CSMD1: variants seen among roughly 807,000 people sequenced by gnomAD.
CSMD1 encodes CUB and Sushi multiple domains 1, also known as CUB and sushi domain-containing protein 1.
CSMD1 carries 213 observed loss-of-function variants against 417.5 expected under a neutral mutation model. The ratio of observed to expected loss-of-function variants is 0.51; its 90% CI spans 0.46 to 0.57. The LOEUF (loss-of-function observed/expected upper bound fraction) is 0.57, where lower values mean the gene tolerates loss of function less well. CSMD1 is among the 20% of genes least tolerant of loss of function. CSMD1 has a pLI of 0.00. For missense variants in CSMD1, 6,923 were observed against 4,529.7 expected (o/e 1.53, Z -15.17); for synonymous variants, 2,862 against 1,736.8 (o/e 1.65, Z -16.11).
intron 18 of CSMD1, 111 bp downstream of exon 18, chr8:3,387,382 AC>A: frequency 5.0e-6 from 4 of 804,588 alleles, no homozygotes; most frequent in Non-Finnish European, 7.7e-6. Context: ...GAGGGAACTC[AC>A]GCCAGTCGTA....
intron 26 of CSMD1, among the ~76,000 whole-genome samples, chr8:3,233,155 A>G (rs1798943588): frequency 6.6e-6 from 1 of 151,444 alleles, no homozygotes; most frequent in Non-Finnish European, 1.5e-5. Context: ...TGGCTTGACT[A>G]TTTGTCTCCT....
rs1421846224 is a variant in CSMD1 at position 3,007,434 on chromosome 8, G to T, written c.8030-7303C>A. 2.6e-5 allele frequency among the ~76,000 whole-genome samples: 4 copies of T among 151,378 alleles called. No homozygotes were observed. In the South Asian group the frequency reaches 6.2e-4, roughly 24 times the overall value. On this transcript the variant is annotated intron_variant, in intron 52 of 69. Coordinates refer to ENST00000635120, the MANE Select transcript of CSMD1 (RefSeq NM_033225.6). ...TCCCATTACTGGGTATATACCCAAA[G>T]GACTATAAATCATGCTGCTATAAAG...
At chr8:4,385,554 A>C (rs1803393555) in intron 3 of CSMD1, among the ~76,000 whole-genome samples, 1 of 152,218 alleles carries the variant, frequency 6.6e-6, no homozygotes. Flanking sequence ...TTTGGACTGC[A>C]CATTACTACA....
intron 3 of CSMD1, among the ~76,000 whole-genome samples, chr8:4,370,272 G>C (rs1028098386): frequency 3.9e-5 from 6 of 152,142 alleles, no homozygotes; most frequent in African/African-American, 1.4e-4. Flanking sequence ...CAGGCTCCCA[G>C]TCTTTCCCAG....
intron 37 of CSMD1, among the ~76,000 whole-genome samples, chr8:3,165,410 A>G (rs992138468): frequency 6.6e-6 from 1 of 151,744 alleles, no homozygotes; most frequent in Non-Finnish European, 1.5e-5. Context: ...AGTGGTTTTT[A>G]ATTTTTATTT....
At chr8:3,035,507 G>A (rs1248603076) in intron 50 of CSMD1, among the ~76,000 whole-genome samples, 2 of 152,042 alleles carry the variant, frequency 1.3e-5, no homozygotes, top group South Asian at 2.1e-4. Flanking sequence ...GAAACAATAC[G>A]GGAAAATTTG....
chr8:3,989,782 T>A (rs774168478), intron 5 of CSMD1, among the ~76,000 whole-genome samples: 3 of 152,212 alleles, frequency 2.0e-5, no homozygotes, highest in Non-Finnish European at 4.4e-5. Flanking sequence ...ATTTAAAGGA[T>A]GTATTAAGCT....
intron 3 of CSMD1, among the ~76,000 whole-genome samples, chr8:4,172,844 C>G (rs1379443113): frequency 4.6e-5 from 7 of 152,102 alleles, no homozygotes; most frequent in African/African-American, 1.7e-4. Flanking sequence ...GGACTGAGGG[C>G]TGTCCACAGC....
intron 1 of CSMD1, among the ~76,000 whole-genome samples, chr8:4,766,218 G>T (rs143525869): frequency 1.3e-5 from 2 of 152,162 alleles, no homozygotes; most frequent in African/African-American, 4.8e-5. Context: ...GCATGTGCTG[G>T]TGCGTTGGCA....
intron 1 of CSMD1, among the ~76,000 whole-genome samples, chr8:4,956,944 G>C (rs1165626578): frequency 6.6e-6 from 1 of 152,198 alleles, no homozygotes; most frequent in Non-Finnish European, 1.5e-5. Context: ...ACACAAGGGA[G>C]GAAAGCAGCT....
intron 33 of CSMD1, among the ~76,000 whole-genome samples, chr8:3,190,588 T>C (rs1014839993): frequency 6.6e-6 from 1 of 152,164 alleles, no homozygotes; most frequent in Admixed American, 6.6e-5. Context: ...CATCGTGATG[T>C]AATAAAAATC....
chr8:4,025,532 C>T (rs1054869293), intron 4 of CSMD1, among the ~76,000 whole-genome samples: 1 of 152,186 alleles, frequency 6.6e-6, no homozygotes, highest in African/African-American at 2.4e-5. Flanking sequence ...CTAGCTGCTT[C>T]TTCTCTTTTT....
intron 5 of CSMD1, among the ~76,000 whole-genome samples, chr8:3,938,999 T>A (rs962379331): frequency 1.3e-5 from 2 of 152,026 alleles, no homozygotes; most frequent in South Asian, 4.2e-4. Flanking sequence ...TGGGGTGGGG[T>A]AGAATATTAC....
At chr8:3,722,137 A>C (rs1802215135) in intron 6 of CSMD1, among the ~76,000 whole-genome samples, 1 of 152,028 alleles carries the variant, frequency 6.6e-6, no homozygotes. Context: ...GAGGTCAGGA[A>C]TTTGAGACTA....
At chr8:3,990,024 G>A (rs1309031884) in intron 5 of CSMD1, among the ~76,000 whole-genome samples, 1 of 152,194 alleles carries the variant, frequency 6.6e-6, no homozygotes, top group African/African-American at 2.4e-5. Context: ...CTGATTTGAG[G>A]AATAAATGAG....
rs186352368 is a variant in CSMD1, at chr8:3,202,943, G to A, written c.4985-1218C>T. ...AAAAACTTTTTTCAGGAATTAGAGA[G>A]GGAGAGGACTTAATAATTTCTCTAC... On this transcript the variant is annotated intron_variant, in intron 31 of 69. Coordinates refer to ENST00000635120, the MANE Select transcript of CSMD1 (RefSeq NM_033225.6). Among the ~76,000 whole-genome samples the A allele has an allele frequency of 3.9e-5, 6 of 152,242 alleles. No individual in the cohort carries two copies. The East Asian group carries it at 7.7e-4, about 20-fold the overall frequency.
At chr8:4,310,279 T>C (rs1798488595) in intron 3 of CSMD1, among the ~76,000 whole-genome samples, 1 of 152,208 alleles carries the variant, frequency 6.6e-6, no homozygotes, top group Non-Finnish European at 1.5e-5. Flanking sequence ...TTATCATGGC[T>C]GCTTAGAGCT....
At chr8:3,648,305 T>C (rs1196184977) in intron 7 of CSMD1, among the ~76,000 whole-genome samples, 2 of 152,244 alleles carry the variant, frequency 1.3e-5, no homozygotes, top group African/African-American at 2.4e-5. Context: ...GCCCTACAAA[T>C]TGCCTTGCTG....
chr8:4,708,300 T>A (rs1052987570), intron 1 of CSMD1, among the ~76,000 whole-genome samples: 3 of 152,198 alleles, frequency 2.0e-5, no homozygotes, highest in Admixed American at 6.5e-5. Flanking sequence ...GTCATTTACA[T>A]AGACATGCAT....
Sources: allele counts gnomAD v4.1 joint callset (sites outside exome capture counted in the v4.1 genomes callset), GRCh38; gene constraint gnomAD v4.1.1; transcripts MANE v1.5; gene names NCBI Gene and HGNC (gene_info 2026-07-23, HGNC 2026-07-21).